Variants in NEB observed in about 807,000 individuals in gnomAD.
NEB encodes the protein nemaline myopathy type 2.
In NEB, 512 loss-of-function variants were observed where a neutral mutation model predicts 952.2. The observed-to-expected ratio is 0.54, with a 90% CI of 0.50 to 0.58. NEB has a LOEUF of 0.58. Ranked by LOEUF, NEB falls within the 20% of genes least tolerant of loss-of-function variation. NEB has a pLI of 0.00. For synonymous variants in NEB, 2,900 were observed against 3,149.8 expected (o/e 0.92, Z 2.66); for missense variants, 8,428 against 9,231.1 (o/e 0.91, Z 3.56).
intron 63 of NEB, among the ~76,000 whole-genome samples, chr2:151,637,750 TG>T (rs1371864212): frequency 6.6e-6 from 1 of 152,254 alleles, no homozygotes; most frequent in Non-Finnish European, 1.5e-5. Flanking sequence ...CATGGTTTCC[TG>T]TAACAGGACC....
chr2:151,613,343 G>T (rs955994222), intron 77 of NEB, among the ~76,000 whole-genome samples: 1 of 152,136 alleles, frequency 6.6e-6, no homozygotes, highest in Non-Finnish European at 1.5e-5. Context: ...CTTCCTATAA[G>T]TTAAATAGAC....
In NEB at chr2:151,656,258, G is replaced by A. The variant is rs974601635; in HGVS notation, c.6390C>T (p.Ala2130=). Residue 2130 remains alanine, a synonymous_variant, in exon 49 of 182, where the codon GCC becomes GCT. Coordinates refer to ENST00000397345, the MANE Select transcript of NEB (RefSeq NM_001164508.2). ...GCTTGTAGTTAGTGTTGGTGATGTT[G>A]GCTTGGGCATCCTTTGCAGCCGTGA... is the stretch of plus-strand genomic sequence containing the variant. The part of the protein sequence containing the change: ...LSVTAAKDAQ[A]NITNTNYKHL... The A allele has an allele frequency of 7.4e-6, 12 of 1,613,474 alleles. No individual in the cohort carries two copies. The highest frequency in any genetic ancestry group is 4.0e-5 in the African/African-American group (3 of 74,858).
At chr2:151,512,976 ATT>A (rs1183026158) in intron 160 of NEB, 139 bp from the exon 161 acceptor site, 5 of 651,644 alleles carry the variant, frequency 7.7e-6, no homozygotes, top group Non-Finnish European at 1.3e-5. Flanking sequence ...ATTTCTTCCT[ATT>A]TTGTTCATAG....
chr2:151,489,130 C>T (rs867604768), intron 181 of NEB, among the ~76,000 whole-genome samples: 2 of 152,136 alleles, frequency 1.3e-5, no homozygotes, highest in Non-Finnish European at 2.9e-5. Flanking sequence ...TTACAGTATT[C>T]CCTTCCTTAA....
chr2:151,512,476 C>T (rs1192792528), intron 161 of NEB, among the ~76,000 whole-genome samples: 2 of 152,106 alleles, frequency 1.3e-5, no homozygotes, highest in African/African-American at 2.4e-5. Flanking sequence ...GCGTGCACCA[C>T]CACACCTGGC....
In NEB at chr2:151,524,381, C is replaced by G. The variant is rs2084069978; in HGVS notation, c.22409G>C (p.Ser7470Thr). 1 of 1,613,856 alleles carries G rather than the reference C, an allele frequency of 6.2e-7. No individual in the cohort carries two copies. The highest frequency in any genetic ancestry group is 8.5e-7 in the Non-Finnish European group (1 of 1,179,886). Residue 7470 changes from serine to threonine, a missense_variant, in exon 153 of 182, where the codon AGC becomes ACC. Around this residue, in one of 11 missense-constraint regions of NEB, gnomAD observed 3,374 missense variants for 3,651.5 expected, o/e 0.92. Coordinates refer to ENST00000397345, the MANE Select transcript of NEB (RefSeq NM_001164508.2). Reference protein sequence around the residue: ...EYRAKHRKEGSHGLSMLGRPD... With the variant: ...EYRAKHRKEGTHGLSMLGRPD... ...GCGACCGAGCATGCTTAAGCCATGGCTGCCTTCCTTGCGGTGCTTGGCTCT... is the reference window on the plus strand; with the variant it reads ...GCGACCGAGCATGCTTAAGCCATGGGTGCCTTCCTTGCGGTGCTTGGCTCT...
At position 151,545,874 on chromosome 2, in the gene NEB, T is replaced by A; in HGVS notation, c.20577+14A>T. ...CAATTTGATTGACTTCAATGACAAG[T>A]AAAGCGTCCTTACCTCACTCAGATG... On this transcript the variant is annotated intron_variant, in intron 135 of 181. Coordinates refer to ENST00000397345, the MANE Select transcript of NEB (RefSeq NM_001164508.2). 1 of 1,498,202 alleles carries A rather than the reference T, an allele frequency of 6.7e-7. No homozygotes were observed. The allele number at this position is 1,498,202 out of a possible 1,614,324, so 92.8% of individuals were successfully genotyped here. A position where few individuals can be genotyped will look rare whatever the true frequency, so the allele number is the denominator to read the frequency against.
At chr2:151,695,325 G>A (rs568352529) in intron 18 of NEB, among the ~76,000 whole-genome samples, 33 of 152,218 alleles carry the variant, frequency 2.2e-4, no homozygotes, top group African/African-American at 7.5e-4. Context: ...TACATGAGAC[G>A]TAGCATTCTG....
In NEB at chr2:151,669,153, T is replaced by C. The variant is rs776448065; in HGVS notation, c.4507-22A>G. 4 of 1,434,272 alleles carry C rather than the reference T, an allele frequency of 2.8e-6. No homozygotes were observed. In the East Asian group the frequency reaches 7.2e-5, roughly 26 times the overall value. 88.8% of individuals were successfully genotyped at this position (1,434,272 alleles called of 1,614,324 possible). On this transcript the variant is annotated intron_variant, in intron 38 of 181. Coordinates refer to ENST00000397345, the MANE Select transcript of NEB (RefSeq NM_001164508.2). ...TCAACTAAAAACAAAGGAGACAGCATGCACATATCATTAGCTGACATAATA... is the reference window on the plus strand; with the variant it reads ...TCAACTAAAAACAAAGGAGACAGCACGCACATATCATTAGCTGACATAATA...
intron 38 of NEB, 61 bp downstream of exon 38, chr2:151,670,962 G>A: frequency 6.7e-7 from 1 of 1,497,196 alleles, no homozygotes; most frequent in Non-Finnish European, 9.3e-7. Context: ...GAAGGACGGA[G>A]GAGCGGCTCA....
intron 77 of NEB, among the ~76,000 whole-genome samples, chr2:151,613,849 T>C (rs1186192754): frequency 6.6e-6 from 1 of 152,212 alleles, no homozygotes; most frequent in Non-Finnish European, 1.5e-5. Flanking sequence ...TCCTGAGGCC[T>C]TCCCAGCCAT....
rs143994653 is a variant in NEB at position 151,485,661 on chromosome 2, T to C, written c.*99A>G. The stretch of plus-strand genomic sequence containing the variant: ...AAATCACATTGACACAGAAAAACCA[T>C]AGGCAGCTTGAGAACTTAGGTAACA... On this transcript the variant is annotated 3_prime_UTR_variant, in exon 182 of 182. Coordinates refer to ENST00000397345, the MANE Select transcript of NEB (RefSeq NM_001164508.2). 4.9e-4 allele frequency: 588 copies of C among 1,189,518 alleles called. 4 individuals carry two copies. The Admixed American group carries it at 0.011, about 22-fold the overall frequency. 73.7% of individuals were successfully genotyped at this position (1,189,518 alleles called of 1,614,324 possible).
intron 81 of NEB, 50 bp downstream of exon 81, chr2:151,609,759 A>G: frequency 6.6e-7 from 1 of 1,520,432 alleles, no homozygotes; most frequent in Middle Eastern, 1.8e-4. Flanking sequence ...TGGGCAATGA[A>G]CAAATCTACA....
At chr2:151,722,347 G>A (rs182763301) in intron 9 of NEB, among the ~76,000 whole-genome samples, 100 of 152,218 alleles carry the variant, frequency 6.6e-4, no homozygotes, top group Middle Eastern at 3.4e-3. Flanking sequence ...TGTTGCTGCT[G>A]GTTTCAAGCC....
Position 151,525,999 on chromosome 2 carries a change from C to G in NEB, c.22120G>C (p.Asp7374His). Reference sequence around the variant, plus strand: ...GTCACTTCCTTGACGTGAACAGTGTCCCGGGTCTCTGGTAGTGTTGTGTAT... The same window carrying G: ...GTCACTTCCTTGACGTGAACAGTGTGCCGGGTCTCTGGTAGTGTTGTGTAT... ...GSYTTLPETR[D>H]TVHVKEVTKH... Residue 7374 changes from aspartate to histidine, a missense_variant, in exon 150 of 182, where the codon GAC (aspartate) becomes CAC (histidine). Physicochemically the swap from Asp to His is moderately conservative, Grantham distance 81. Transcript: ENST00000397345. The G allele has an allele frequency of 6.2e-7, 1 of 1,614,008 alleles. No homozygotes were observed. Among genetic ancestry groups the G allele is most frequent in the Non-Finnish European group, 8.5e-7 (1 of 1,179,886 alleles).
intron 76 of NEB, 128 bp downstream of exon 76, chr2:151,615,874 T>C (rs2098177217): frequency 4.2e-6 from 3 of 710,442 alleles, no homozygotes; most frequent in Admixed American, 6.1e-5. Flanking sequence ...CAATTTTGTA[T>C]AGGGGAAAAT....
rs376101302 is a variant in NEB at position 151,524,376 on chromosome 2, C to A, written c.22414G>T (p.Gly7472Cys). 6.2e-7 allele frequency: 1 copy of A among 1,613,872 alleles called. No homozygotes were observed. Among genetic ancestry groups the A allele is most frequent in the Admixed American group, 1.7e-5 (1 of 60,000 alleles). The change falls in exon 153 of 182, where the codon GGC (glycine) becomes TGC (cysteine). Residue 7472 changes from glycine (G) to cysteine (C), a missense_variant. By Grantham distance (159) the Gly-to-Cys change is radical. Around this residue, in one of 11 missense-constraint regions of NEB, gnomAD observed 3,374 missense variants for 3,651.5 expected, o/e 0.92. Coordinates refer to ENST00000397345, the MANE Select transcript of NEB (RefSeq NM_001164508.2). ...TCTGGGCGACCGAGCATGCTTAAGCCATGGCTGCCTTCCTTGCGGTGCTTG... is the reference window on the plus strand; with the variant it reads ...TCTGGGCGACCGAGCATGCTTAAGCAATGGCTGCCTTCCTTGCGGTGCTTG... The part of the protein sequence containing the change: ...RAKHRKEGSH[G>C]LSMLGRPDIE...
rs554417448 is a variant in NEB, at chr2:151,498,527, A to AGG, written c.24115-177_24115-176dup. Among the ~76,000 whole-genome samples the AGG allele has an allele frequency of 4.3e-3, 652 of 152,338 alleles. 5 individuals are homozygous for AGG. The highest frequency in any genetic ancestry group is 0.015 in the African/African-American group (605 of 41,570). On this transcript the variant is annotated intron_variant, in intron 169 of 181. Transcript: ENST00000397345. The stretch of plus-strand genomic sequence containing the variant: ...AGCCTAAAGACATCTTCAAAAGCAA[A>AGG]GGAATGCAGGAAAGAGCAGCAAAAA...
rs545536423 is a variant in NEB at position 151,625,710 on chromosome 2, C to A, written c.10348-72G>T. ...AAACAGGAGTTTTCAATTAAGACAC[C>A]ATGACAAAGTTGAGAGCCAGCTTTC... On this transcript the variant is annotated intron_variant, in intron 70 of 181. Coordinates refer to ENST00000397345, the MANE Select transcript of NEB (RefSeq NM_001164508.2). 36 of 1,035,042 alleles carry A rather than the reference C, an allele frequency of 3.5e-5. No individual in the cohort carries two copies. The East Asian group carries it at 8.3e-4, about 24-fold the overall frequency. 64.1% of individuals were successfully genotyped at this position (1,035,042 alleles called of 1,614,324 possible).
Sources: allele counts gnomAD v4.1 joint callset (sites outside exome capture counted in the v4.1 genomes callset), GRCh38; gene constraint gnomAD v4.1.1; regional missense constraint gnomAD v4.1.1; transcripts MANE v1.5; gene names NCBI Gene and HGNC (gene_info 2026-07-23, HGNC 2026-07-21).